The following DCX variants were observed in gnomAD, a reference collection of about 807,000 sequenced individuals.
DCX encodes the protein neuronal migration protein doublecortin.
Under a neutral mutation model 20.9 loss-of-function variants are expected in DCX, and 4 were observed. The ratio of observed to expected loss-of-function variants is 0.19; its 90% CI spans 0.09 to 0.44. The LOEUF (loss-of-function observed/expected upper bound fraction) is 0.44. DCX is among the 20% of genes least tolerant of loss of function. The probability of loss-of-function intolerance (pLI) is 0.99; values close to 1 mark genes in which losing one functional copy is unlikely to be tolerated. For synonymous variants in DCX, 103 were observed against 111.4 expected, an observed-to-expected ratio of 0.92 and a Z score of 0.47; for missense variants, 133 against 296.9, an observed-to-expected ratio of 0.45 and a Z score of 4.06.
At chrX:111,318,206 T>TA (rs1217292633) in intron 5 of DCX, among the ~76,000 whole-genome samples, 127 of 89,428 alleles carry the variant, frequency 1.4e-3, no homozygotes, top group Non-Finnish European at 2.6e-3. Flanking sequence ...AAAAAAAAAG[T>TA]AAAAAAATAA....
intron 6 of DCX, among the ~76,000 whole-genome samples, chrX:111,310,409 T>G (rs1488082775): frequency 9.0e-6 from 1 of 111,335 alleles, no homozygotes; most frequent in African/African-American, 3.2e-5. Context: ...TATTTGTGTA[T>G]TATTATGTCT....
At chrX:111,393,664 T>C (rs924162422) in intron 3 of DCX, among the ~76,000 whole-genome samples, 1 of 111,447 alleles carries the variant, frequency 9.0e-6, no homozygotes, top group Non-Finnish European at 1.9e-5. Context: ...AATTAAAGAA[T>C]GGGAAAATGA....
intron 3 of DCX, among the ~76,000 whole-genome samples, chrX:111,396,368 T>G (rs1049443226): frequency 8.9e-6 from 1 of 112,153 alleles, no homozygotes; most frequent in Non-Finnish European, 1.9e-5. Flanking sequence ...AAGGCCATAC[T>G]TATGTCTTAG....
At chrX:111,336,767 T>C (rs1041277352) in intron 3 of DCX, among the ~76,000 whole-genome samples, 3 of 111,943 alleles carry the variant, frequency 2.7e-5, no homozygotes, top group African/African-American at 9.8e-5. Context: ...GACAGGAAAA[T>C]CTATATTTGT....
chrX:111,375,169 C>A (rs1241450812), intron 3 of DCX, among the ~76,000 whole-genome samples: 1 of 106,258 alleles, frequency 9.4e-6, no homozygotes, highest in Non-Finnish European at 1.9e-5. Flanking sequence ...CTGGTGATGG[C>A]TACACAAAAA....
Position 111,312,691 on chromosome X carries a change from T to C in DCX, c.992A>G (p.Gln331Arg). ...ACTGGTGGGCGTAGAGATGGGAGAC[T>C]GCTTAGACTTGGGGGTAGAGAGCTG... ...SSQLSTPKSK[Q>R]SPISTPTSPG... The change falls in exon 6 of 7, where the codon CAG becomes CGG. Residue 331 changes from glutamine to arginine, a missense_variant. Coordinates refer to ENST00000636035, the MANE Select transcript of DCX (RefSeq NM_001195553.2). 1 of 1,211,812 alleles carries C rather than the reference T, an allele frequency of 8.3e-7. No individual in the cohort carries two copies. Among genetic ancestry groups the C allele is most frequent in the African/African-American group, 1.7e-5 (1 of 57,737 alleles).
At chrX:111,327,897 C>T (rs2095103150) in intron 5 of DCX, among the ~76,000 whole-genome samples, 1 of 112,479 alleles carries the variant, frequency 8.9e-6, no homozygotes, top group African/African-American at 3.2e-5. Flanking sequence ...ATGAAATGGG[C>T]TTGGTTATGT....
intron 3 of DCX, among the ~76,000 whole-genome samples, chrX:111,397,815 G>A (rs1011552991): frequency 9.1e-6 from 1 of 110,293 alleles, no homozygotes; most frequent in African/African-American, 3.3e-5. Flanking sequence ...ATATGTGTGT[G>A]TGTATATATA....
chrX:111,320,000 G>A (rs2095082778), intron 5 of DCX, among the ~76,000 whole-genome samples: 1 of 111,967 alleles, frequency 8.9e-6, no homozygotes, highest in Admixed American at 9.5e-5. Context: ...GTAAATAAAG[G>A]ACTTAATTTT....
chrX:111,370,861 T>C (rs1377164854), intron 3 of DCX, among the ~76,000 whole-genome samples: 1 of 112,077 alleles, frequency 8.9e-6, no homozygotes, highest in Non-Finnish European at 1.9e-5. Flanking sequence ...TCAGTATTTT[T>C]TAAAAGCTCC....
chrX:111,374,913 C>T (rs1489252966), intron 3 of DCX, among the ~76,000 whole-genome samples: 3 of 105,684 alleles, frequency 2.8e-5, no homozygotes, highest in South Asian at 4.4e-4. Context: ...AGCTATTGGC[C>T]GGCATAATAC....
In DCX at chrX:111,323,672, T is replaced by G. The variant is rs188723560; in HGVS notation, c.946+7232A>C. Among the ~76,000 whole-genome samples, 300 of 101,824 alleles carry G rather than the reference T, an allele frequency of 2.9e-3. 1 individual carries two copies. The highest frequency in any genetic ancestry group is 4.2e-3 in the Non-Finnish European group (210 of 50,515). 88.4% of individuals were successfully genotyped at this position (101,824 alleles called of 115,157 possible). A position where few individuals can be genotyped will look rare whatever the true frequency, so the allele number is the denominator to read the frequency against. ...CAAAGCAAAATGATTGGCCCTATCC[T>G]GTTCTCTCTTTTTACCCTCTCAGCA... On this transcript the variant is annotated intron_variant, in intron 5 of 6. Coordinates refer to ENST00000636035, the MANE Select transcript of DCX (RefSeq NM_001195553.2).
chrX:111,309,533 T>G (rs2095052807), intron 6 of DCX, among the ~76,000 whole-genome samples: 1 of 111,926 alleles, frequency 8.9e-6, no homozygotes, highest in South Asian at 3.8e-4. Context: ...GAAAAACCAG[T>G]TCAATCTTCA....
intron 3 of DCX, among the ~76,000 whole-genome samples, chrX:111,334,804 G>A (rs1186615678): frequency 8.9e-6 from 1 of 112,024 alleles, no homozygotes; most frequent in Non-Finnish European, 1.9e-5. Context: ...GAGATACATC[G>A]AAATAGAGCA....
chrX:111,399,458 G>C (rs1927600939), intron 3 of DCX, among the ~76,000 whole-genome samples: 1 of 111,877 alleles, frequency 8.9e-6, no homozygotes, highest in African/African-American at 3.2e-5. Context: ...ACTTCAGAAG[G>C]CTGAAGGCAC....
At chrX:111,382,410 T>C (rs1472020375) in intron 3 of DCX, among the ~76,000 whole-genome samples, 1 of 112,169 alleles carries the variant, frequency 8.9e-6, no homozygotes, top group Non-Finnish European at 1.9e-5. Context: ...CAGCCATGTT[T>C]GGGAAACATT....
At chrX:111,348,232 C>A (rs970489280) in intron 3 of DCX, among the ~76,000 whole-genome samples, 3 of 111,721 alleles carry the variant, frequency 2.7e-5, no homozygotes, top group Non-Finnish European at 5.6e-5. Flanking sequence ...AGGGGAGACC[C>A]AGGTAAGGAA....
intron 3 of DCX, among the ~76,000 whole-genome samples, chrX:111,391,755 C>A (rs1458467751): frequency 9.0e-6 from 1 of 111,481 alleles, no homozygotes; most frequent in Non-Finnish European, 1.9e-5. Context: ...GACAACTGGG[C>A]TAATGATGAA....
intron 1 of DCX, chrX:111,411,067 A>G: frequency 3.8e-6 from 3 of 791,697 alleles, no homozygotes; most frequent in Non-Finnish European, 3.8e-6. Context: ...CCTCCAGGGA[A>G]CAGCCAGTGT....
Sources: allele counts gnomAD v4.1 joint callset (sites outside exome capture counted in the v4.1 genomes callset), GRCh38; gene constraint gnomAD v4.1.1; transcripts MANE v1.5; gene names NCBI Gene and HGNC (gene_info 2026-07-23, HGNC 2026-07-21).